Variants in PTK7 observed in about 807,000 individuals in gnomAD.
PTK7 encodes inactive tyrosine-protein kinase 7.
PTK7 carries 39 observed loss-of-function variants against 116.6 expected under a neutral mutation model. The observed-to-expected ratio is 0.33, with a 90% CI of 0.26 to 0.44. The LOEUF (loss-of-function observed/expected upper bound fraction) is 0.44, where lower values mean the gene tolerates loss of function less well. Among genes scored for constraint, PTK7 ranks in the 20% least tolerant of loss-of-function variants. The probability of loss-of-function intolerance (pLI) is 1.00; values close to 1 mark genes in which losing one functional copy is unlikely to be tolerated. For synonymous variants in PTK7, 546 were observed against 563.6 expected, an observed-to-expected ratio of 0.97 and a Z score of 0.44; for missense variants, 1,169 against 1,425.6, an observed-to-expected ratio of 0.82 and a Z score of 2.90.
intron 1 of PTK7, among the ~76,000 whole-genome samples, chr6:43,080,716 C>T (rs1269157752): frequency 1.3e-5 from 2 of 152,066 alleles, no homozygotes; most frequent in East Asian, 3.9e-4. Flanking sequence ...CCAAGGCAGG[C>T]GGATCACCTG....
chr6:43,161,274 T>C lies in PTK7; in HGVS notation c.*393T>C, dbSNP rs1049552698. The stretch of plus-strand genomic sequence containing the variant: ...TGGGATGAGCTGGGTTTGTGGGGAG[T>C]TCCTTAATATTCTCAAGTTCTGGGC... On this transcript the variant is annotated 3_prime_UTR_variant, in exon 20 of 20. Transcript: ENST00000230419. 1 of 206,428 alleles carries C rather than the reference T, an allele frequency of 4.8e-6. No individual in the cohort carries two copies. Among genetic ancestry groups the C allele is most frequent in the South Asian group, 9.6e-5 (1 of 10,376 alleles). The allele number at this position is 206,428 out of a possible 1,614,324, so 12.8% of individuals were successfully genotyped here.
intron 1 of PTK7, among the ~76,000 whole-genome samples, chr6:43,123,067 G>A (rs1036752762): frequency 6.6e-5 from 10 of 152,138 alleles, no homozygotes; most frequent in Non-Finnish European, 1.3e-4. Context: ...GAGGACTTCT[G>A]GGCCGGTAGC....
intron 1 of PTK7, among the ~76,000 whole-genome samples, chr6:43,120,777 G>T (rs1469963614): frequency 1.3e-5 from 2 of 152,210 alleles, no homozygotes; most frequent in African/African-American, 2.4e-5. Flanking sequence ...CTGGGAGGAG[G>T]TGGCGATTGA....
intron 1 of PTK7, among the ~76,000 whole-genome samples, chr6:43,112,239 C>T (rs1457748920): frequency 6.8e-6 from 1 of 146,638 alleles, no homozygotes; most frequent in Non-Finnish European, 1.5e-5. Context: ...TGCTGCTAGC[C>T]AGTTTTATTT....
At chr6:43,123,360 A>G (rs1279261697) in intron 1 of PTK7, among the ~76,000 whole-genome samples, 1 of 152,132 alleles carries the variant, frequency 6.6e-6, no homozygotes, top group African/African-American at 2.4e-5. Flanking sequence ...TTTTTCCTAA[A>G]CCAGGAGTTC....
At chr6:43,121,056 G>GT (rs564738874) in intron 1 of PTK7, among the ~76,000 whole-genome samples, 3,489 of 119,668 alleles carry the variant, frequency 0.029, 81 homozygotes, top group African/African-American at 0.058. Flanking sequence ...CCATGTTTCT[G>GT]TTTTTTTTTT....
rs1767218490 is a variant in PTK7 at position 43,095,785 on chromosome 6, G to A, written c.79+19218G>A. Among the ~76,000 whole-genome samples the A allele has an allele frequency of 2.0e-5, 3 of 152,182 alleles. No individual in the cohort carries two copies. The South Asian group carries it at 6.2e-4, about 32-fold the overall frequency. On this transcript the variant is annotated intron_variant, in intron 1 of 19. Transcript: ENST00000230419. ...TCTAAAAGATGGATGTACAGCTAAG[G>A]GCATTTTTGATGCAATACAACTTAT...
At chr6:43,113,194 G>A (rs919200791) in intron 1 of PTK7, among the ~76,000 whole-genome samples, 1 of 152,166 alleles carries the variant, frequency 6.6e-6, no homozygotes, top group African/African-American at 2.4e-5. Flanking sequence ...CACTTGGGGA[G>A]GTCGAGGCGA....
intron 1 of PTK7, among the ~76,000 whole-genome samples, chr6:43,120,730 C>T (rs1282071955): frequency 6.6e-6 from 1 of 152,208 alleles, no homozygotes; most frequent in African/African-American, 2.4e-5. Flanking sequence ...TGTTCAGTTG[C>T]ATGCTGTCAT....
chr6:43,124,413 A>T (rs1351801218), intron 1 of PTK7, among the ~76,000 whole-genome samples: 1 of 152,198 alleles, frequency 6.6e-6, no homozygotes, highest in African/African-American at 2.4e-5. Context: ...AGCCAGGCAC[A>T]GTGGCTCATG....
chr6:43,146,507 G>A, intron 16 of PTK7, 111 bp from the exon 17 acceptor site: 1 of 965,672 alleles, frequency 1.0e-6, no homozygotes, highest in Non-Finnish European at 1.6e-6. Context: ...GCTAGCTTAG[G>A]CCTTCTCACT....
intron 17 of PTK7, among the ~76,000 whole-genome samples, chr6:43,153,694 C>T (rs1771259943): frequency 6.6e-6 from 1 of 152,138 alleles, no homozygotes; most frequent in Admixed American, 6.5e-5. Context: ...TACAGGCCAG[C>T]AATAGCTACT....
At chr6:43,079,414 C>T (rs910696408) in intron 1 of PTK7, among the ~76,000 whole-genome samples, 6 of 123,448 alleles carry the variant, frequency 4.9e-5, no homozygotes, top group East Asian at 3.0e-4. Context: ...TTGCAGTGAT[C>T]GTGCCACTGC....
chr6:43,092,995 G>T (rs999575564), intron 1 of PTK7, among the ~76,000 whole-genome samples: 1 of 152,126 alleles, frequency 6.6e-6, no homozygotes, highest in Non-Finnish European at 1.5e-5. Flanking sequence ...AATAACAAAT[G>T]ATGCTTAAGG....
At chr6:43,140,908 C>T (rs1438489257) in intron 10 of PTK7, among the ~76,000 whole-genome samples, 1 of 152,052 alleles carries the variant, frequency 6.6e-6, no homozygotes, top group African/African-American at 2.4e-5. Context: ...CATTTCCCCA[C>T]ATCTTTATAC....
Position 43,129,771 on chromosome 6 carries a change from G to A in PTK7, c.412G>A (p.Ala138Thr), listed in dbSNP as rs1769540640. The A allele has an allele frequency of 2.5e-6, 4 of 1,614,210 alleles. No individual in the cohort carries two copies. In the South Asian group the frequency reaches 4.4e-5, roughly 18 times the overall value. ...PVVLKHPASE[A>T]EIQPQTQVTL... ...GGTCCTGAAGCATCCAGCCTCGGAA[G>A]CTGAGATCCAGCCACAGACCCAGGT... Residue 138 changes from alanine to threonine, a missense_variant, in exon 3 of 20, where the codon GCT becomes ACT. Ala to Thr is a moderately conservative substitution (Grantham distance 58). Around this residue, in one of 3 missense-constraint regions of PTK7, gnomAD observed 487 missense variants for 549.8 expected, o/e 0.89. Coordinates refer to ENST00000230419, the MANE Select transcript of PTK7 (RefSeq NM_002821.5). The surrounding 1 kb of genome is among the most constrained non-coding windows in gnomAD (Gnocchi z 4.5).
chr6:43,100,082 G>C lies in PTK7; in HGVS notation c.79+23515G>C, dbSNP rs1003614076. Reference sequence around the variant, plus strand: ...ACCACTGCACCTGGCCTGAGACCCTGTCTCTTAAAAAAAAATCATGACTGG... The same window carrying C: ...ACCACTGCACCTGGCCTGAGACCCTCTCTCTTAAAAAAAAATCATGACTGG... On this transcript the variant is annotated intron_variant, in intron 1 of 19. Coordinates refer to ENST00000230419, the MANE Select transcript of PTK7 (RefSeq NM_002821.5). Among the ~76,000 whole-genome samples the C allele has an allele frequency of 3.3e-5, 5 of 152,020 alleles. No individual in the cohort carries two copies. In the South Asian group the frequency reaches 1.0e-3, roughly 32 times the overall value.
intron 18 of PTK7, 149 bp from the exon 19 acceptor site, chr6:43,159,639 C>A: frequency 1.3e-6 from 1 of 752,368 alleles, no homozygotes; most frequent in Non-Finnish European, 2.3e-6. Context: ...TACTCCCATG[C>A]TCAGCACGCA....
In PTK7 at chr6:43,161,064, G is replaced by A; in HGVS notation, c.*183G>A. On this transcript the variant is annotated 3_prime_UTR_variant, in exon 20 of 20. Coordinates refer to ENST00000230419, the MANE Select transcript of PTK7 (RefSeq NM_002821.5). ...TCTTCCTCACCCTCATCCTTTGGGAGGCTGACTTGGACCCAAACTGGGCGA... is the reference window on the plus strand; with the variant it reads ...TCTTCCTCACCCTCATCCTTTGGGAAGCTGACTTGGACCCAAACTGGGCGA... The A allele has an allele frequency of 3.3e-6, 3 of 917,224 alleles. No homozygotes were observed. The highest frequency in any genetic ancestry group is 3.1e-6 in the Non-Finnish European group (2 of 635,698). 56.8% of individuals were successfully genotyped at this position (917,224 alleles called of 1,614,324 possible).
Sources: allele counts gnomAD v4.1 joint callset (sites outside exome capture counted in the v4.1 genomes callset), GRCh38; gene constraint gnomAD v4.1.1; regional missense constraint gnomAD v4.1.1; non-coding constraint Gnocchi (gnomAD v3.1); transcripts MANE v1.5; gene names NCBI Gene and HGNC (gene_info 2026-07-23, HGNC 2026-07-21).